ADCY2: variants seen among roughly 807,000 people sequenced by gnomAD.
ADCY2 encodes adenylate cyclase type 2.
A neutral mutation model predicts 125.2 loss-of-function variants in ADCY2; 31 were observed. The ratio of observed to expected loss-of-function variants is 0.25; its 90% CI spans 0.19 to 0.33. The LOEUF (loss-of-function observed/expected upper bound fraction) is 0.33, where lower values mean the gene tolerates loss of function less well. Among genes scored for constraint, ADCY2 ranks in the 10% least tolerant of loss-of-function variants. ADCY2 has a pLI of 1.00. For missense variants in ADCY2, 904 were observed against 1,418.2 expected (o/e 0.64, Z 5.82); for synonymous variants, 512 against 548.4 (o/e 0.93, Z 0.93).
intron 3 of ADCY2, among the ~76,000 whole-genome samples, chr5:7,543,165 A>G (rs1735046011): frequency 6.6e-6 from 1 of 151,714 alleles, no homozygotes; most frequent in Non-Finnish European, 1.5e-5. Context: ...ATATACAAAC[A>G]CATACAACAC....
intron 4 of ADCY2, 137 bp downstream of exon 4, chr5:7,626,453 G>T: frequency 2.0e-6 from 2 of 995,362 alleles, no homozygotes; most frequent in Admixed American, 5.3e-5. Flanking sequence ...TCTGCACCTG[G>T]GGAGTGTCTT....
chr5:7,541,054 G>A lies in ADCY2; in HGVS notation c.570+20155G>A, dbSNP rs74826728. Among the ~76,000 whole-genome samples, 1,060 of 152,186 alleles carry A rather than the reference G, an allele frequency of 7.0e-3. 17 individuals carry two copies. Among genetic ancestry groups the A allele is most frequent in the African/African-American group, 0.024 (1,015 of 41,536 alleles). On this transcript the variant is annotated intron_variant, in intron 3 of 24. Coordinates refer to ENST00000338316, the MANE Select transcript of ADCY2 (RefSeq NM_020546.3). ...CCTCCTGACCAGTGTGCATGATCTC[G>A]GCACAGCGTATCAGCTACTGGAGCC...
chr5:7,453,713 G>A (rs764632041), intron 2 of ADCY2, among the ~76,000 whole-genome samples: 4 of 152,102 alleles, frequency 2.6e-5, no homozygotes, highest in African/African-American at 4.8e-5. Context: ...GCATACTTCC[G>A]GGGTCTTGTG....
chr5:7,471,794 T>G (rs1742349575), intron 2 of ADCY2, among the ~76,000 whole-genome samples: 1 of 152,036 alleles, frequency 6.6e-6, no homozygotes, highest in Non-Finnish European at 1.5e-5. Context: ...GAGAGACATT[T>G]TCTTCTGTGT....
intron 4 of ADCY2, among the ~76,000 whole-genome samples, chr5:7,653,032 C>G (rs967916685): frequency 2.6e-5 from 4 of 152,170 alleles, no homozygotes; most frequent in African/African-American, 9.7e-5. Flanking sequence ...TTCCATGTTA[C>G]TGTGTGCTGG....
chr5:7,545,808 C>G (rs564087801), intron 3 of ADCY2, among the ~76,000 whole-genome samples: 4 of 152,116 alleles, frequency 2.6e-5, no homozygotes, highest in Non-Finnish European at 4.4e-5. Flanking sequence ...ATTGCACTTC[C>G]CAGGTAATCC....
At chr5:7,548,097 G>A (rs1368560725) in intron 3 of ADCY2, among the ~76,000 whole-genome samples, 2 of 152,216 alleles carry the variant, frequency 1.3e-5, no homozygotes, top group East Asian at 1.9e-4. Context: ...CTGAATCTGA[G>A]CGGCATTTGT....
At chr5:7,578,828 G>A (rs1352847301) in intron 3 of ADCY2, among the ~76,000 whole-genome samples, 3 of 152,080 alleles carry the variant, frequency 2.0e-5, no homozygotes, top group Non-Finnish European at 4.4e-5. Flanking sequence ...TGTGGTGGGA[G>A]GTCTTTCATG....
chr5:7,529,823 G>T (rs1734586046), intron 3 of ADCY2, among the ~76,000 whole-genome samples: 1 of 152,172 alleles, frequency 6.6e-6, no homozygotes, highest in Admixed American at 6.5e-5. Flanking sequence ...AGAGTTGAGG[G>T]TATAAACTCC....
At chr5:7,747,650 TCTC>T (rs1464859345) in intron 15 of ADCY2, among the ~76,000 whole-genome samples, 7 of 152,088 alleles carry the variant, frequency 4.6e-5, no homozygotes, top group Admixed American at 4.6e-4. Context: ...CCTCCAGCTG[TCTC>T]CTCTGTTGGA....
At chr5:7,793,455 A>G (rs906056939) in intron 20 of ADCY2, among the ~76,000 whole-genome samples, 8 of 152,126 alleles carry the variant, frequency 5.3e-5, no homozygotes, top group Non-Finnish European at 1.2e-4. Context: ...CATCTCAACA[A>G]CAACAACAAA....
chr5:7,547,456 T>G (rs1359994878), intron 3 of ADCY2, among the ~76,000 whole-genome samples: 1 of 152,188 alleles, frequency 6.6e-6, no homozygotes, highest in South Asian at 2.1e-4. Context: ...TCTCGCATCC[T>G]GTCTTTCTTA....
At chr5:7,570,490 A>C (rs1579584186) in intron 3 of ADCY2, among the ~76,000 whole-genome samples, 1 of 152,232 alleles carries the variant, frequency 6.6e-6, no homozygotes, top group East Asian at 1.9e-4. Context: ...AAAGTGAAGC[A>C]GTGTTTTGTC....
Position 7,813,284 on chromosome 5 carries a change from G to A in ADCY2, c.2884-3582G>A, listed in dbSNP as rs560649661. Among the ~76,000 whole-genome samples the A allele has an allele frequency of 3.9e-5, 6 of 152,328 alleles. No individual in the cohort carries two copies. The South Asian group carries it at 1.2e-3, about 32-fold the overall frequency. Reference sequence around the variant, plus strand: ...GCCAGACACATGACAAATGCTCAGTGAATATTTATGGAAGGAAGAGGGAGA... The same window carrying A: ...GCCAGACACATGACAAATGCTCAGTAAATATTTATGGAAGGAAGAGGGAGA... On this transcript the variant is annotated intron_variant, in intron 22 of 24. Coordinates refer to ENST00000338316, the MANE Select transcript of ADCY2 (RefSeq NM_020546.3).
chr5:7,804,809 G>T lies in ADCY2; in HGVS notation c.2883+117G>T. 6 of 730,836 alleles carry T rather than the reference G, an allele frequency of 8.2e-6. No individual in the cohort carries two copies. In the South Asian group the frequency reaches 8.5e-5, roughly 10 times the overall value. 45.3% of individuals were successfully genotyped at this position (730,836 alleles called of 1,614,324 possible). A position where few individuals can be genotyped will look rare whatever the true frequency, so the allele number is the denominator to read the frequency against. On this transcript the variant is annotated intron_variant, in intron 22 of 24. Coordinates refer to ENST00000338316, the MANE Select transcript of ADCY2 (RefSeq NM_020546.3). ...AACTGTATATTTTGTACAACCTAAA[G>T]CTCAGGGTCAAGGTCCTATGAGAGA...
Position 7,501,649 on chromosome 5 carries a change from C to CCCG in ADCY2, c.409-19087_409-19086insGCC, listed in dbSNP as rs1561060401. Among the ~76,000 whole-genome samples the CCCG allele has an allele frequency of 6.7e-5, 5 of 74,650 alleles. 1 individual carries two copies. Among genetic ancestry groups the CCCG allele is most frequent in the South Asian group, 1.6e-3 (2 of 1,228 alleles). 49.0% of individuals were successfully genotyped at this position (74,650 alleles called of 152,430 possible). ...AAAAAAGAATGAGATTCCCCCCTCC[C>CCCG]CCCCCCCCCGCCAGTAACTTCAAGT... On this transcript the variant is annotated intron_variant, in intron 2 of 24. Coordinates refer to ENST00000338316, the MANE Select transcript of ADCY2 (RefSeq NM_020546.3).
At chr5:7,660,013 T>C (rs759550237) in intron 4 of ADCY2, among the ~76,000 whole-genome samples, 1 of 152,042 alleles carries the variant, frequency 6.6e-6, no homozygotes, top group Non-Finnish European at 1.5e-5. Context: ...ATGGAAACAA[T>C]AGATACCAGG....
intron 2 of ADCY2, among the ~76,000 whole-genome samples, chr5:7,429,423 C>A (rs1740508356): frequency 6.6e-6 from 1 of 152,170 alleles, no homozygotes; most frequent in African/African-American, 2.4e-5. Flanking sequence ...TGACCTAATT[C>A]ATCTTTATAG....
rs1379316000 is a variant in ADCY2 at position 7,396,190 on chromosome 5, C to A, written c.-107C>A. The A allele has an allele frequency of 3.7e-6, 2 of 546,030 alleles. No homozygotes were observed. The highest frequency in any genetic ancestry group is 2.1e-5 in the African/African-American group (1 of 47,304). 33.8% of individuals were successfully genotyped at this position (546,030 alleles called of 1,614,324 possible). A position where few individuals can be genotyped will look rare whatever the true frequency, so the allele number is the denominator to read the frequency against. ...GGCCCCTGCGCGCAGCTCCGGGTGC[C>A]GGCAGCCGGGCCGGCCGAGGCGGCG... On this transcript the variant is annotated 5_prime_UTR_variant, in exon 1 of 25. Coordinates refer to ENST00000338316, the MANE Select transcript of ADCY2 (RefSeq NM_020546.3). This position sits in a 1 kb window ranked among gnomAD's most constrained non-coding sequence, Gnocchi z 5.7.
Sources: allele counts gnomAD v4.1 joint callset (sites outside exome capture counted in the v4.1 genomes callset), GRCh38; gene constraint gnomAD v4.1.1; non-coding constraint Gnocchi (gnomAD v3.1); transcripts MANE v1.5; gene names NCBI Gene and HGNC (gene_info 2026-07-23, HGNC 2026-07-21).